The following RFPL1 variants were observed in gnomAD, a reference collection of about 807,000 sequenced individuals.
RFPL1 encodes the protein ret finger protein like 1, also known as ret finger protein-like 1.
Under a neutral mutation model 9.6 loss-of-function variants are expected in RFPL1, and 6 were observed. The ratio of observed to expected loss-of-function variants is 0.62; its 90% confidence interval spans 0.34 to 1.23. The LOEUF (loss-of-function observed/expected upper bound fraction) is 1.23, where lower values mean the gene tolerates loss of function less well. Among genes scored for constraint, RFPL1 ranks in the 50% most tolerant of loss-of-function variants. The pLI is 0.03. For missense variants in RFPL1, 352 were observed against 398.4 expected, an observed-to-expected ratio of 0.88 and a Z score of 0.99; for synonymous variants, 145 against 149.4, an observed-to-expected ratio of 0.97 and a Z score of 0.22.
At chr22:29,429,665 T>A in the RFPL1 span, among the ~76,000 whole-genome samples, 1 of 152,088 alleles carries the variant, frequency 6.6e-6, no homozygotes, top group Admixed American at 6.6e-5. Context: ...GATTGAAGGC[T>A]CTCAAATTGG....
chr22:29,409,037 C>T, the RFPL1 span, among the ~76,000 whole-genome samples: 2 of 151,752 alleles, frequency 1.3e-5, no homozygotes, highest in East Asian at 3.9e-4. Flanking sequence ...CAGAGAAAGT[C>T]GAAAGCCCAG....
chr22:29,390,968 C>T, the RFPL1 span, among the ~76,000 whole-genome samples: 1 of 151,038 alleles, frequency 6.6e-6, no homozygotes, highest in African/African-American at 2.4e-5. Context: ...AGTGAAACCC[C>T]GTCTCTACTA....
the RFPL1 span, among the ~76,000 whole-genome samples, chr22:29,400,718 G>A: frequency 6.6e-6 from 1 of 152,138 alleles, no homozygotes; most frequent in Non-Finnish European, 1.5e-5. Context: ...CTCAGTTGAT[G>A]TCTTTACTTT....
At chr22:29,424,789 T>C in the RFPL1 span, among the ~76,000 whole-genome samples, 1 of 138,172 alleles carries the variant, frequency 7.2e-6, no homozygotes, top group Non-Finnish European at 1.5e-5. Context: ...GCCACAGCAC[T>C]CCAGCGTGGT....
intron 1 of RFPL1, chr22:29,439,919 G>C (rs929281500): frequency 6.6e-6 from 1 of 152,242 alleles, no homozygotes; most frequent in African/African-American, 2.4e-5. Context: ...TCACCCCAGG[G>C]TTGGGAAGAG....
exon 2 of RFPL1, chr22:29,442,386 C>G: frequency 3.3e-6 from 1 of 304,572 alleles, no homozygotes; most frequent in Non-Finnish European, 6.0e-6. Context: ...TTTCCAAATG[C>G]TTTTTTATTT....
At chr22:29,434,221 G>A (rs112871247), upstream of RFPL1, among the ~76,000 whole-genome samples, 167 of 152,264 alleles carry the variant, frequency 1.1e-3, no homozygotes, top group African/African-American at 3.8e-3. Flanking sequence ...TTTGAACAGA[G>A]TCTGCTAAAT....
exon 2 of RFPL1, chr22:29,441,887 G>A (rs759032513): frequency 5.0e-6 from 8 of 1,612,946 alleles, no homozygotes; most frequent in Middle Eastern, 1.7e-4. Flanking sequence ...TTCGTAGACC[G>A]CAAGTTACAG....
chr22:29,427,318 T>C, the RFPL1 span, among the ~76,000 whole-genome samples: 12 of 152,200 alleles, frequency 7.9e-5, no homozygotes, highest in Non-Finnish European at 1.5e-4. Flanking sequence ...AGGTGGGGGC[T>C]GAGCCACATG....
At chr22:29,394,533 G>A in the RFPL1 span, among the ~76,000 whole-genome samples, 1 of 152,090 alleles carries the variant, frequency 6.6e-6, no homozygotes, top group African/African-American at 2.4e-5. Context: ...GTAGAGAAAG[G>A]GTTTCACCAT....
chr22:29,412,682 T>G, the RFPL1 span, among the ~76,000 whole-genome samples: 85 of 152,148 alleles, frequency 5.6e-4, no homozygotes, highest in Non-Finnish European at 9.7e-4. Flanking sequence ...GCCCCATGAA[T>G]GTTTTAATGA....
the RFPL1 span, among the ~76,000 whole-genome samples, chr22:29,406,013 G>A: frequency 1.3e-5 from 2 of 149,204 alleles, no homozygotes; most frequent in African/African-American, 4.9e-5. Context: ...GGAGGCTGAG[G>A]CAGGAGAATG....
At chr22:29,436,043 G>A (rs1298183259), upstream of RFPL1, among the ~76,000 whole-genome samples, 1 of 152,080 alleles carries the variant, frequency 6.6e-6, no homozygotes, top group Non-Finnish European at 1.5e-5. Flanking sequence ...TAGAGGCTGG[G>A]AGGGTAAGGG....
At chr22:29,428,562 T>C in the RFPL1 span, among the ~76,000 whole-genome samples, 9 of 152,196 alleles carry the variant, frequency 5.9e-5, no homozygotes, top group Admixed American at 1.3e-4. Context: ...CCTCAGCACA[T>C]GGGATCCTCT....
the RFPL1 span, among the ~76,000 whole-genome samples, chr22:29,412,604 C>G: frequency 6.6e-6 from 1 of 152,190 alleles, no homozygotes; most frequent in African/African-American, 2.4e-5. Flanking sequence ...TGTTTGCTGC[C>G]AGGGCAGTGA....
At chr22:29,398,752 G>A in the RFPL1 span, among the ~76,000 whole-genome samples, 7 of 152,348 alleles carry the variant, frequency 4.6e-5, no homozygotes, top group South Asian at 4.1e-4. Flanking sequence ...TTAGTCTCCC[G>A]TGTAGCTAGG....
chr22:29,410,561 GATAT>G, the RFPL1 span, among the ~76,000 whole-genome samples: 1 of 84,204 alleles, frequency 1.2e-5, no homozygotes, highest in Non-Finnish European at 2.8e-5. Flanking sequence ...ATATATTGTA[GATAT>G]ATATATTGTA....
At position 29,440,665 on chromosome 22, in the gene RFPL1, T is replaced by C. The variant is rs562963008; in HGVS notation, c.374-877T>C. 75 of 152,240 alleles carry C rather than the reference T, an allele frequency of 4.9e-4. 2 individuals are homozygous for C. Among genetic ancestry groups the C allele is most frequent in the African/African-American group, 1.7e-3 (71 of 41,544 alleles). 9.4% of individuals were successfully genotyped at this position (152,240 alleles called of 1,614,324 possible). On this transcript the variant is annotated intron_variant, in intron 1 of 1. Coordinates refer to ENST00000354373, the Ensembl canonical transcript of RFPL1. Reference sequence around the variant, plus strand: ...TCTGCTCATTGCAAGCTCCGCCTCCTGGGTTCATGCCATTCTCCTGCCTCA... The same window carrying C: ...TCTGCTCATTGCAAGCTCCGCCTCCCGGGTTCATGCCATTCTCCTGCCTCA...
the RFPL1 span, chr22:29,419,071 A>G: frequency 1.3e-6 from 1 of 753,184 alleles, no homozygotes; most frequent in South Asian, 1.5e-5. Context: ...TAGACACCCT[A>G]AAGGAGAGAC....
Sources: allele counts gnomAD v4.1 joint callset (sites outside exome capture counted in the v4.1 genomes callset), GRCh38; gene constraint gnomAD v4.1.1; transcripts MANE v1.5; gene names NCBI Gene and HGNC (gene_info 2026-07-23, HGNC 2026-07-21).